C8A: variants seen among roughly 807,000 people sequenced by gnomAD.
C8A encodes complement component C8 alpha chain.
Under a neutral mutation model 65.3 loss-of-function variants are expected in C8A, and 67 were observed. That is an observed-to-expected ratio of 1.03 (90% CI 0.84 to 1.26). The LOEUF (loss-of-function observed/expected upper bound fraction) is 1.26, where lower values mean the gene tolerates loss of function less well. Ranked by LOEUF, C8A falls within the 50% of genes most tolerant of loss-of-function variation. The probability of loss-of-function intolerance (pLI) is 0.00; values close to 1 mark genes in which losing one functional copy is unlikely to be tolerated. For synonymous variants in C8A, 290 were observed against 259.4 expected, an observed-to-expected ratio of 1.12 and a Z score of -1.13; for missense variants, 781 against 723.9, an observed-to-expected ratio of 1.08 and a Z score of -0.90.
intron 4 of C8A, among the ~76,000 whole-genome samples, chr1:56,878,929 C>G (rs1289158186): frequency 1.3e-5 from 2 of 152,326 alleles, no homozygotes; most frequent in East Asian, 3.9e-4. Flanking sequence ...TTGTCTGCAA[C>G]TTTCACTTTT....
At chr1:56,858,477 C>T (rs1029523224) in intron 1 of C8A, among the ~76,000 whole-genome samples, 2 of 152,106 alleles carry the variant, frequency 1.3e-5, no homozygotes, top group East Asian at 1.9e-4. Flanking sequence ...AATGAAGACC[C>T]CAAACATAGA....
At chr1:56,882,662 C>T (rs1171076084) in intron 5 of C8A, among the ~76,000 whole-genome samples, 1 of 152,086 alleles carries the variant, frequency 6.6e-6, no homozygotes, top group Non-Finnish European at 1.5e-5. Flanking sequence ...CCACTCCAAC[C>T]TCTACTCTCT....
In C8A at chr1:56,908,065, TTCC is replaced by T. The variant is rs1386656012; in HGVS notation, c.1334_1336del (p.Ser445del). ...AGAACAGGAGCACCATTACATACCG[TTCC>T]TGGGGGAGGTCATTAAAGTATAATC... is the stretch of plus-strand genomic sequence containing the variant. On this transcript the variant is annotated inframe_deletion, in exon 9 of 11. Transcript: ENST00000361249. The T allele has an allele frequency of 9.3e-6, 15 of 1,614,196 alleles. No homozygotes were observed. The highest frequency in any genetic ancestry group is 3.3e-5 in the South Asian group (3 of 91,080).
chr1:56,883,027 T>C (rs1644260320), intron 5 of C8A, among the ~76,000 whole-genome samples: 2 of 150,772 alleles, frequency 1.3e-5, no homozygotes, highest in South Asian at 4.1e-4. Context: ...AATGAAATCC[T>C]GTATACCACT....
At chr1:56,867,548 C>A in intron 1 of C8A, 61 bp from the exon 2 acceptor site, 1 of 1,205,474 alleles carries the variant, frequency 8.3e-7, no homozygotes, top group Non-Finnish European at 1.2e-6. Flanking sequence ...ATGTGCACAG[C>A]TTTCTCATTT....
intron 7 of C8A, among the ~76,000 whole-genome samples, chr1:56,892,611 GA>G (rs1320288164): frequency 6.6e-6 from 1 of 151,878 alleles, no homozygotes; most frequent in Non-Finnish European, 1.5e-5. Flanking sequence ...TTCTACTGAT[GA>G]CCATTCTATG....
chr1:56,912,663 C>T (rs1404936885), intron 10 of C8A, 38 bp downstream of exon 10: 1 of 1,596,190 alleles, frequency 6.3e-7, no homozygotes, highest in Non-Finnish European at 8.6e-7. Context: ...CCAGCCTGTC[C>T]CAGCTCAAAG....
At chr1:56,864,259 T>A (rs142786550) in intron 1 of C8A, among the ~76,000 whole-genome samples, 1 of 152,328 alleles carries the variant, frequency 6.6e-6, no homozygotes, top group East Asian at 1.9e-4. Context: ...ATTGGATTCA[T>A]TCAGGGTTGG....
At chr1:56,893,331 T>C (rs543171594) in intron 7 of C8A, among the ~76,000 whole-genome samples, 2 of 152,326 alleles carry the variant, frequency 1.3e-5, no homozygotes, top group South Asian at 4.1e-4. Flanking sequence ...AAAGCCATTT[T>C]GATCAAGCTC....
At position 56,877,155 on chromosome 1, in the gene C8A, C is replaced by A. The variant is rs116791710; in HGVS notation, c.464+946C>A. 6.2e-3 allele frequency among the ~76,000 whole-genome samples: 950 copies of A among 152,286 alleles called. 13 individuals carry two copies. Among genetic ancestry groups the A allele is most frequent in the South Asian group, 0.04 (195 of 4,822 alleles). On this transcript the variant is annotated intron_variant, in intron 4 of 10. Coordinates refer to ENST00000361249, the MANE Select transcript of C8A (RefSeq NM_000562.3). ...GGCTGTCTTTGAGACAGGAAGAGAG[C>A]CTCCAGCAGAAAACAACCTTGATAA...
chr1:56,881,629 T>C lies in C8A; in HGVS notation c.649T>C (p.Phe217Leu). 1.2e-6 allele frequency: 2 copies of C among 1,612,920 alleles called. No homozygotes were observed. Among genetic ancestry groups the C allele is most frequent in the East Asian group, 2.2e-5 (1 of 44,862 alleles). The stretch of plus-strand genomic sequence containing the variant: ...ACCCTACAACTTTCTGAAGTACCAC[T>C]TTGAAGTAAGTCTGAACAGAGGGGC... ...RKPYNFLKYH[F>L]EALADTGISS... is the part of the protein sequence containing the mutation. The change falls in exon 5 of 11, where the codon TTT (phenylalanine) becomes CTT (leucine). Residue 217 changes from phenylalanine (F) to leucine (L), a missense_variant. Phe to Leu is a conservative substitution (Grantham distance 22). Transcript: ENST00000361249.
At chr1:56,889,200 A>G (rs951854362) in intron 7 of C8A, among the ~76,000 whole-genome samples, 7 of 152,334 alleles carry the variant, frequency 4.6e-5, no homozygotes, top group Admixed American at 2.0e-4. Flanking sequence ...CTGATTTTCT[A>G]TAAATCCGGA....
chr1:56,900,825 G>A (rs1005081660), intron 7 of C8A, among the ~76,000 whole-genome samples: 1 of 152,132 alleles, frequency 6.6e-6, no homozygotes, highest in African/African-American at 2.4e-5. Context: ...AAACCCGAGA[G>A]ATGACTTAGA....
chr1:56,883,910 G>T (rs1331510257), intron 6 of C8A, among the ~76,000 whole-genome samples: 1 of 150,956 alleles, frequency 6.6e-6, no homozygotes, highest in Non-Finnish European at 1.5e-5. Flanking sequence ...TTATCACTTT[G>T]CCCCCCCCAT....
At chr1:56,880,123 G>T (rs952478298) in intron 4 of C8A, among the ~76,000 whole-genome samples, 1 of 152,118 alleles carries the variant, frequency 6.6e-6, no homozygotes, top group African/African-American at 2.4e-5. Context: ...AACATAAGAG[G>T]CTTTGATTGT....
chr1:56,877,178 T>A (rs1190221593), intron 4 of C8A, among the ~76,000 whole-genome samples: 1 of 152,210 alleles, frequency 6.6e-6, no homozygotes, highest in Non-Finnish European at 1.5e-5. Context: ...ACAACCTTGA[T>A]AACACCTTGA....
chr1:56,878,825 A>T (rs1397866607), intron 4 of C8A, among the ~76,000 whole-genome samples: 1 of 152,180 alleles, frequency 6.6e-6, no homozygotes, highest in African/African-American at 2.4e-5. Flanking sequence ...TAAAAACTGC[A>T]TTGACAATAT....
At chr1:56,882,967 C>A (rs1362673629) in intron 5 of C8A, among the ~76,000 whole-genome samples, 2 of 152,302 alleles carry the variant, frequency 1.3e-5, no homozygotes, top group South Asian at 2.1e-4. Flanking sequence ...AGGCTTACTT[C>A]TTTGGCTCAA....
At chr1:56,916,835 C>T (rs1405099666) in intron 10 of C8A, among the ~76,000 whole-genome samples, 1 of 152,206 alleles carries the variant, frequency 6.6e-6, no homozygotes, top group African/African-American at 2.4e-5. Context: ...GCTAGATTTC[C>T]AGATAGTCCA....
Sources: gnomAD v4.1 joint callset for allele counts (sites outside exome capture counted in the v4.1 genomes callset) on GRCh38, gnomAD v4.1.1 for gene constraint, MANE v1.5 for transcripts, NCBI Gene and HGNC (gene_info 2026-07-23, HGNC 2026-07-21) for gene names.